Variants in SPAG16 observed in about 807,000 individuals in gnomAD.
The protein encoded by SPAG16 is sperm associated antigen 16, also known as sperm-associated antigen 16 protein.
A neutral mutation model predicts 80.4 loss-of-function variants in SPAG16; 86 were observed. That is an observed-to-expected ratio of 1.07 (90% CI 0.90 to 1.28). The LOEUF is 1.28. Among genes scored for constraint, SPAG16 ranks in the 50% most tolerant of loss-of-function variants. The probability of loss-of-function intolerance (pLI) is 0.00; values close to 1 mark genes in which losing one functional copy is unlikely to be tolerated. For synonymous variants in SPAG16, 294 were observed against 265.9 expected, an observed-to-expected ratio of 1.11 and a Z score of -1.03; for missense variants, 870 against 765.3, an observed-to-expected ratio of 1.14 and a Z score of -1.61.
At chr2:213,442,934 C>T (rs1207384484) in intron 9 of SPAG16, among the ~76,000 whole-genome samples, 1 of 151,940 alleles carries the variant, frequency 6.6e-6, no homozygotes, top group Admixed American at 6.6e-5. Flanking sequence ...TTCTTCTCTG[C>T]CAAAGACATT....
chr2:214,367,096 T>C (rs1327824612), intron 15 of SPAG16, among the ~76,000 whole-genome samples: 1 of 152,132 alleles, frequency 6.6e-6, no homozygotes, highest in Non-Finnish European at 1.5e-5. Context: ...GATTGGAAAG[T>C]TGGCAGAGAC....
At chr2:213,534,670 A>G (rs967761795) in intron 10 of SPAG16, among the ~76,000 whole-genome samples, 1 of 152,112 alleles carries the variant, frequency 6.6e-6, no homozygotes. Context: ...GTGAAGTTCA[A>G]CAACTGGTGT....
At chr2:213,339,850 G>T (rs1312415665) in intron 5 of SPAG16, among the ~76,000 whole-genome samples, 1 of 151,982 alleles carries the variant, frequency 6.6e-6, no homozygotes, top group Non-Finnish European at 1.5e-5. Context: ...AGCCAAAAAG[G>T]TTCTCTTTGG....
chr2:213,317,454 T>C (rs1272104030), intron 5 of SPAG16, 98 bp downstream of exon 5: 1 of 1,368,496 alleles, frequency 7.3e-7, no homozygotes, highest in African/African-American at 1.4e-5. Context: ...AGCCTTAATT[T>C]TTGAAAACTG....
intron 9 of SPAG16, among the ~76,000 whole-genome samples, chr2:213,464,016 G>A (rs968421133): frequency 1.3e-5 from 2 of 152,194 alleles, no homozygotes; most frequent in African/African-American, 4.8e-5. Context: ...GTCCTTACTA[G>A]TACTAAGTCC....
chr2:213,867,746 C>A (rs553117165), intron 11 of SPAG16, among the ~76,000 whole-genome samples: 1 of 142,582 alleles, frequency 7.0e-6, no homozygotes, highest in South Asian at 2.6e-4. Context: ...CACGGTGAAT[C>A]CCCGTCTCCA....
intron 9 of SPAG16, among the ~76,000 whole-genome samples, chr2:213,407,222 A>T (rs1246071413): frequency 1.3e-5 from 2 of 152,172 alleles, no homozygotes; most frequent in South Asian, 4.1e-4. Context: ...GCGGCCAGAG[A>T]GGACAGCACA....
intron 10 of SPAG16, among the ~76,000 whole-genome samples, chr2:213,845,101 T>A (rs1412897919): frequency 6.6e-6 from 1 of 152,186 alleles, no homozygotes; most frequent in Non-Finnish European, 1.5e-5. Flanking sequence ...GTAACTTAAA[T>A]ACTTTCTCCT....
At chr2:213,377,631 CTTTTCCTCTTACTTTTTCCCTCTTACT>C (rs953634282) in intron 9 of SPAG16, among the ~76,000 whole-genome samples, 2 of 152,126 alleles carry the variant, frequency 1.3e-5, no homozygotes, top group Non-Finnish European at 2.9e-5. Context: ...GTTCGTAAAT[CTTTTCCTCTTACTTTTTCCCTCTTACT>C]TTTTCCTCTT....
chr2:213,296,012 G>A, intron 1 of SPAG16, 52 bp from the exon 2 acceptor site: 1 of 1,484,530 alleles, frequency 6.7e-7, no homozygotes, highest in Non-Finnish European at 9.4e-7. Flanking sequence ...CAATTTTTGT[G>A]CAATAATTTT....
chr2:213,994,605 G>T (rs1444586789), intron 12 of SPAG16, among the ~76,000 whole-genome samples: 1 of 150,450 alleles, frequency 6.6e-6, no homozygotes. Context: ...ACAACATTAG[G>T]GGAAAATAAT....
chr2:213,935,015 A>G (rs149975610), intron 12 of SPAG16, among the ~76,000 whole-genome samples: 1,850 of 152,048 alleles, frequency 0.012, 35 homozygotes, highest in African/African-American at 0.042. Flanking sequence ...ATCCTGGCTA[A>G]CACGGTGAAA....
chr2:213,640,273 C>A (rs1436071090), intron 10 of SPAG16, among the ~76,000 whole-genome samples: 1 of 152,070 alleles, frequency 6.6e-6, no homozygotes, highest in East Asian at 1.9e-4. Context: ...TGGTTTGGAT[C>A]CATTGCTAGT....
intron 6 of SPAG16, among the ~76,000 whole-genome samples, chr2:213,342,640 A>C (rs1473128408): frequency 6.6e-6 from 1 of 151,996 alleles, no homozygotes; most frequent in African/African-American, 2.4e-5. Context: ...TAATGGAATA[A>C]AATATTATTC....
chr2:213,373,210 G>A (rs182004225), intron 8 of SPAG16, among the ~76,000 whole-genome samples: 284 of 152,192 alleles, frequency 1.9e-3, no homozygotes, highest in Admixed American at 5.8e-3. Context: ...AGTGCTATAT[G>A]GAATCTGAGA....
intron 15 of SPAG16, among the ~76,000 whole-genome samples, chr2:214,314,616 G>A (rs1040412535): frequency 4.6e-5 from 7 of 152,084 alleles, no homozygotes; most frequent in African/African-American, 7.2e-5. Context: ...CTGCTTTTAG[G>A]ATAAATGGAG....
At chr2:214,277,019 C>T (rs1049360146) in intron 15 of SPAG16, among the ~76,000 whole-genome samples, 7 of 152,064 alleles carry the variant, frequency 4.6e-5, no homozygotes, top group East Asian at 3.9e-4. Context: ...CTAAACTTCT[C>T]GCTTTATTTC....
chr2:213,825,074 G>T (rs2073191545), intron 10 of SPAG16, among the ~76,000 whole-genome samples: 1 of 151,558 alleles, frequency 6.6e-6, no homozygotes, highest in East Asian at 1.9e-4. Flanking sequence ...TTTGCCTGTT[G>T]ATTTTGTTTC....
intron 11 of SPAG16, among the ~76,000 whole-genome samples, chr2:213,883,795 G>A (rs1362558095): frequency 6.6e-6 from 1 of 152,014 alleles, no homozygotes; most frequent in African/African-American, 2.4e-5. Flanking sequence ...ATTTTTATTG[G>A]CTTAAAGTCT....
Sources: gnomAD v4.1 joint callset for allele counts (sites outside exome capture counted in the v4.1 genomes callset) on GRCh38, gnomAD v4.1.1 for gene constraint, MANE v1.5 for transcripts, NCBI Gene and HGNC (gene_info 2026-07-23, HGNC 2026-07-21) for gene names.